The following CDH23 variants were observed in gnomAD, a reference collection of about 807,000 sequenced individuals.
CDH23 encodes cadherin-23.
A neutral mutation model predicts 317.1 loss-of-function variants in CDH23; 189 were observed. The observed-to-expected ratio is 0.60, with a 90% confidence interval of 0.53 to 0.67. CDH23 has a LOEUF of 0.67. CDH23 is among the 30% of genes least tolerant of loss of function. The probability of loss-of-function intolerance (pLI) is 0.00; values close to 1 mark genes in which losing one functional copy is unlikely to be tolerated. For missense variants in CDH23, 4,401 were observed against 4,592.4 expected (o/e 0.96, Z 1.20); for synonymous variants, 1,839 against 1,876.8 (o/e 0.98, Z 0.52).
intron 9 of CDH23, among the ~76,000 whole-genome samples, chr10:71,595,451 A>G (rs952656267): frequency 3.3e-5 from 5 of 152,008 alleles, no homozygotes; most frequent in Admixed American, 2.6e-4. Flanking sequence ...TTCTATTTCC[A>G]ATGCGGAGGT....
chr10:71,756,395 T>A (rs552567443), intron 38 of CDH23, among the ~76,000 whole-genome samples: 1 of 152,216 alleles, frequency 6.6e-6, no homozygotes, highest in Non-Finnish European at 1.5e-5. Context: ...ACTAAATTTA[T>A]TGAAGCAGTC....
intron 14 of CDH23, among the ~76,000 whole-genome samples, chr10:71,651,512 C>T (rs1863169384): frequency 6.6e-6 from 1 of 151,330 alleles, no homozygotes; most frequent in Non-Finnish European, 1.5e-5. Flanking sequence ...GAGCCGTGAG[C>T]CACTGCACTC....
intron 18 of CDH23, among the ~76,000 whole-genome samples, chr10:71,683,502 G>A (rs937131410): frequency 3.9e-5 from 6 of 152,240 alleles, no homozygotes; most frequent in Non-Finnish European, 8.8e-5. Flanking sequence ...TGAAGCTCCA[G>A]GGCCAGCTTC....
chr10:71,458,291 A>T (rs548629350), intron 3 of CDH23, among the ~76,000 whole-genome samples: 1 of 152,324 alleles, frequency 6.6e-6, no homozygotes, highest in South Asian at 2.1e-4. Context: ...TGGTGCAAGG[A>T]TTTCCTTGAA....
At chr10:71,505,239 A>C (rs190759137) in intron 3 of CDH23, among the ~76,000 whole-genome samples, 1 of 151,314 alleles carries the variant, frequency 6.6e-6, no homozygotes, top group East Asian at 2.0e-4. Context: ...CGGACCTCTG[A>C]GTTATGCTCT....
chr10:71,652,011 G>C (rs1184369020), intron 14 of CDH23, among the ~76,000 whole-genome samples: 1 of 152,206 alleles, frequency 6.6e-6, no homozygotes, highest in South Asian at 2.1e-4. Context: ...GCTGCAGGGG[G>C]TGGGGCATGG....
chr10:71,451,308 T>C (rs1308326563), intron 3 of CDH23, among the ~76,000 whole-genome samples: 2 of 152,208 alleles, frequency 1.3e-5, no homozygotes, highest in African/African-American at 2.4e-5. Context: ...TGGATGGCCC[T>C]GCCCAGCCTG....
chr10:71,611,784 C>A (rs924500545), intron 9 of CDH23, among the ~76,000 whole-genome samples: 1 of 152,196 alleles, frequency 6.6e-6, no homozygotes, highest in Non-Finnish European at 1.5e-5. Context: ...AGTACTTACA[C>A]TTTCAATTGT....
intron 1 of CDH23, among the ~76,000 whole-genome samples, chr10:71,438,275 T>C (rs986899968): frequency 8.3e-5 from 11 of 132,424 alleles, no homozygotes; most frequent in Non-Finnish European, 9.2e-5. Flanking sequence ...ATCCAGGAGG[T>C]GGAGGTTGCA....
intron 9 of CDH23, among the ~76,000 whole-genome samples, chr10:71,582,567 A>G (rs1281597632): frequency 6.6e-6 from 1 of 152,216 alleles, no homozygotes; most frequent in Non-Finnish European, 1.5e-5. Flanking sequence ...GCCTCGGCTT[A>G]GCTTCTGCCA....
intron 1 of CDH23, among the ~76,000 whole-genome samples, chr10:71,416,892 A>G (rs922864722): frequency 6.6e-6 from 1 of 152,166 alleles, no homozygotes; most frequent in Non-Finnish European, 1.5e-5. Context: ...GAGGTCATTC[A>G]TTTCATTGCC....
At chr10:71,599,990 C>CTTTTTTTTTTTTTTTTT (rs1174206523) in intron 9 of CDH23, among the ~76,000 whole-genome samples, 1 of 109,520 alleles carries the variant, frequency 9.1e-6, no homozygotes, top group Non-Finnish European at 1.8e-5. Flanking sequence ...AATGTCTTTC[C>CTTTTTTTTTTTTTTTTT]TTTTTTTTTT....
intron 3 of CDH23, among the ~76,000 whole-genome samples, chr10:71,496,292 G>T (rs1185345987): frequency 6.6e-6 from 1 of 152,078 alleles, no homozygotes; most frequent in Non-Finnish European, 1.5e-5. Context: ...TTAATATTGG[G>T]ATTGGAAAAT....
chr10:71,601,158 T>C (rs1282352689), intron 9 of CDH23, among the ~76,000 whole-genome samples: 2 of 152,174 alleles, frequency 1.3e-5, no homozygotes, highest in Admixed American at 1.3e-4. Context: ...ACAATCTGCA[T>C]CCTTTCTGGT....
chr10:71,779,790 C>A (rs1430051109), intron 41 of CDH23, among the ~76,000 whole-genome samples: 1 of 152,254 alleles, frequency 6.6e-6, no homozygotes, highest in Non-Finnish European at 1.5e-5. Context: ...GTGCAGAACA[C>A]AGCCCCCGCC....
chr10:71,794,557 C>T (rs918777174), intron 48 of CDH23: 6 of 152,182 alleles, frequency 3.9e-5, no homozygotes, highest in Admixed American at 6.5e-5. Flanking sequence ...GGAGCTGATA[C>T]GTGTACTTCT....
chr10:71,615,444 C>T (rs957081666), intron 9 of CDH23, 60 bp from the exon 10 acceptor site: 1 of 1,233,082 alleles, frequency 8.1e-7, no homozygotes. Context: ...CCCCCTGCCC[C>T]CAGCTCCATG....
At chr10:71,708,069 C>T (rs147454195) in intron 26 of CDH23, among the ~76,000 whole-genome samples, 12 of 152,316 alleles carry the variant, frequency 7.9e-5, no homozygotes, top group East Asian at 3.9e-4. Flanking sequence ...CACATGGCAC[C>T]AGCTCCGTGG....
intron 19 of CDH23, among the ~76,000 whole-genome samples, 179 bp from the exon 20 acceptor site, chr10:71,690,289 C>G (rs537216043): frequency 6.0e-4 from 92 of 152,266 alleles, no homozygotes; most frequent in African/African-American, 2.1e-3. Flanking sequence ...ACGATTGAGC[C>G]GCCCTTGTCC....
Sources: allele counts gnomAD v4.1 joint callset (sites outside exome capture counted in the v4.1 genomes callset), GRCh38; gene constraint gnomAD v4.1.1; transcripts MANE v1.5; gene names NCBI Gene and HGNC (gene_info 2026-07-23, HGNC 2026-07-21).